Variants in CTBP2 observed in about 807,000 individuals in gnomAD.
CTBP2 encodes C-terminal-binding protein 2.
A neutral mutation model predicts 80.3 loss-of-function variants in CTBP2; 30 were observed. That is an observed-to-expected ratio of 0.37 (90% CI 0.28 to 0.51). The LOEUF is 0.51. Among genes scored for constraint, CTBP2 ranks in the 20% least tolerant of loss-of-function variants. The pLI is 0.93. For missense variants in CTBP2, 1,212 were observed against 1,375.3 expected, an observed-to-expected ratio of 0.88 and a Z score of 1.88; for synonymous variants, 594 against 587.4, an observed-to-expected ratio of 1.01 and a Z score of -0.16.
chr10:125,095,026 G>A (rs549412666), intron 2 of CTBP2, among the ~76,000 whole-genome samples: 22 of 152,210 alleles, frequency 1.4e-4, no homozygotes, highest in Non-Finnish European at 2.2e-4. Flanking sequence ...GCTGTCCTGC[G>A]GATGCTGATT....
At chr10:125,109,612 C>T (rs1031983083) in intron 2 of CTBP2, among the ~76,000 whole-genome samples, 2 of 152,212 alleles carry the variant, frequency 1.3e-5, no homozygotes, top group Admixed American at 1.3e-4. Flanking sequence ...CTCCTCAATG[C>T]TAAGAGCCTT....
Position 124,987,402 on chromosome 10 carries a change from T to G in CTBP2, c.*2116A>C, listed in dbSNP as rs1435160178. 1.3e-5 allele frequency: 2 copies of G among 151,982 alleles called. No individual in the cohort carries two copies. Among genetic ancestry groups the G allele is most frequent in the African/African-American group, 4.8e-5 (2 of 41,368 alleles). The allele number at this position is 151,982 out of a possible 1,614,324, so 9.4% of individuals were successfully genotyped here. On this transcript the variant is annotated 3_prime_UTR_variant, in exon 9 of 9. Coordinates refer to ENST00000309035, the MANE Select transcript of CTBP2 (RefSeq NM_022802.3). ...TAAATTTTTGTTTGGGCGACCAAGATCTAATAATTAAAACCCAGGTGGACC... is the reference window on the plus strand; with the variant it reads ...TAAATTTTTGTTTGGGCGACCAAGAGCTAATAATTAAAACCCAGGTGGACC...
chr10:124,997,918 C>T, intron 4 of CTBP2, 46 bp downstream of exon 6: 1 of 1,573,784 alleles, frequency 6.4e-7, no homozygotes, highest in Non-Finnish European at 8.6e-7. Flanking sequence ...CTACACCAGC[C>T]CCAGTGTCGG....
At chr10:125,050,933 A>AG (rs1384130554) in intron 2 of CTBP2, among the ~76,000 whole-genome samples, 2 of 152,322 alleles carry the variant, frequency 1.3e-5, no homozygotes, top group East Asian at 1.9e-4. Context: ...TCCTCTGGAG[A>AG]GGGAGACATC....
chr10:125,133,330 C>A lies in CTBP2; in HGVS notation c.-205-22237G>T, dbSNP rs146977691. Among the ~76,000 whole-genome samples the A allele has an allele frequency of 4.7e-3, 717 of 152,258 alleles. 7 individuals carry two copies. Among genetic ancestry groups the A allele is most frequent in the African/African-American group, 0.016 (668 of 41,546 alleles). The stretch of plus-strand genomic sequence containing the variant: ...AGAGGACAGGTCAAGGCAGACCCAG[C>A]CTCCTCCTCAGACCTGCTCACCTGC... On this transcript the variant is annotated intron_variant, in intron 1 of 10. Coordinates refer to the CTBP2 transcript ENST00000337195.
At chr10:125,011,048 CCT>C (rs1203125291) in intron 1 of CTBP2, among the ~76,000 whole-genome samples, 1 of 152,174 alleles carries the variant, frequency 6.6e-6, no homozygotes, top group African/African-American at 2.4e-5. Context: ...TCAAGTTCCC[CCT>C]GCTTTTCTGT....
intron 1 of CTBP2, among the ~76,000 whole-genome samples, chr10:125,147,651 C>T (rs1334521837): frequency 6.6e-6 from 1 of 151,730 alleles, no homozygotes; most frequent in East Asian, 1.9e-4. Flanking sequence ...AATCCTAACA[C>T]TTTTGGGAGG....
chr10:125,056,539 C>T (rs1282492258), intron 2 of CTBP2, among the ~76,000 whole-genome samples: 1 of 152,222 alleles, frequency 6.6e-6, no homozygotes, highest in Non-Finnish European at 1.5e-5. Context: ...TGTAAGATAA[C>T]ATCACAACAC....
At chr10:125,018,390 T>G (rs914844354) in intron 1 of CTBP2, among the ~76,000 whole-genome samples, 1 of 152,104 alleles carries the variant, frequency 6.6e-6, no homozygotes, top group Non-Finnish European at 1.5e-5. Context: ...GGTATGGTAG[T>G]GGGCACCTGT....
At chr10:125,077,607 G>C (rs1320045618) in intron 2 of CTBP2, among the ~76,000 whole-genome samples, 1 of 152,174 alleles carries the variant, frequency 6.6e-6, no homozygotes, top group East Asian at 1.9e-4. Flanking sequence ...GCACATTCTG[G>C]AAAGTTCTGG....
chr10:125,097,466 G>A (rs189552357), intron 2 of CTBP2, among the ~76,000 whole-genome samples: 4 of 152,256 alleles, frequency 2.6e-5, no homozygotes, highest in East Asian at 1.9e-4. Context: ...GTTCTCTACC[G>A]TGGAGAAGTC....
In CTBP2 at chr10:124,984,676, A is replaced by G. The variant is rs1951993823; in HGVS notation, c.*4842T>C. The G allele has an allele frequency of 7.9e-7, 1 of 1,259,792 alleles. No homozygotes were observed. The highest frequency in any genetic ancestry group is 2.4e-5 in the Admixed American group (1 of 41,566). 78.0% of individuals were successfully genotyped at this position (1,259,792 alleles called of 1,614,324 possible). A position where few individuals can be genotyped will look rare whatever the true frequency, so the allele number is the denominator to read the frequency against. ...AAAAGTTGATTGCTTTGGCCTTTTC[A>G]TGAGTTAGCATACCAGCTGTAGGTT... is the stretch of plus-strand genomic sequence containing the variant. On this transcript the variant is annotated 3_prime_UTR_variant, in exon 9 of 9. Transcript: ENST00000309035.
intron 2 of CTBP2, among the ~76,000 whole-genome samples, chr10:125,096,597 G>A (rs1037108050): frequency 6.6e-6 from 1 of 152,046 alleles, no homozygotes; most frequent in Non-Finnish European, 1.5e-5. Flanking sequence ...AAAACTAAAA[G>A]GTATGAAACT....
chr10:124,998,227 C>A, intron 3 of CTBP2, 57 bp from the exon 6 acceptor site: 1 of 1,536,630 alleles, frequency 6.5e-7, no homozygotes, highest in East Asian at 2.4e-5. Flanking sequence ...AGTGGGGAAG[C>A]CCCAGGGCTC....
chr10:125,152,053 GGCCAGGGTGGGGCC>G (rs1330106485), intron 1 of CTBP2, among the ~76,000 whole-genome samples: 1 of 152,126 alleles, frequency 6.6e-6, no homozygotes, highest in Non-Finnish European at 1.5e-5. Context: ...CCCGCGGAGG[GGCCAGGGTGGGGCC>G]GCCAAGTGCC....
chr10:125,003,485 G>C lies in CTBP2; in HGVS notation c.1686C>G (p.Arg562=). 1.3e-6 allele frequency: 2 copies of C among 1,562,300 alleles called. No individual in the cohort carries two copies. Among genetic ancestry groups the C allele is most frequent in the Middle Eastern group, 1.7e-4 (1 of 5,782 alleles). The change falls in exon 2 of 9, where the codon CGC becomes CGG. Residue 562 remains arginine (R), a synonymous_variant. Coordinates refer to ENST00000309035, the MANE Select transcript of CTBP2 (RefSeq NM_022802.3). The stretch of plus-strand genomic sequence containing the variant: ...GCAGGGGGCCGTTCATGATCTGGGG[G>C]CGGATACCTGCCAGGAGGGAAGGGG...
chr10:125,136,260 A>G (rs1321095096), intron 1 of CTBP2, among the ~76,000 whole-genome samples: 1 of 152,206 alleles, frequency 6.6e-6, no homozygotes, highest in Non-Finnish European at 1.5e-5. Flanking sequence ...TCACCCTCAC[A>G]GCTCACAGCC....
At chr10:124,990,060 G>A (rs1331105217) in intron 8 of CTBP2, among the ~76,000 whole-genome samples, 1 of 94,130 alleles carries the variant, frequency 1.1e-5, no homozygotes, top group African/African-American at 4.0e-5. Flanking sequence ...TTTTTTTTTT[G>A]AGATGGAGTC....
chr10:125,151,602 G>A (rs973459642), intron 1 of CTBP2, among the ~76,000 whole-genome samples: 1 of 152,178 alleles, frequency 6.6e-6, no homozygotes, highest in Non-Finnish European at 1.5e-5. Context: ...GTCAATCAAC[G>A]AACCTCACCA....
Sources: gnomAD v4.1 joint callset for allele counts (sites outside exome capture counted in the v4.1 genomes callset) on GRCh38, gnomAD v4.1.1 for gene constraint, MANE v1.5 for transcripts, NCBI Gene and HGNC (gene_info 2026-07-23, HGNC 2026-07-21) for gene names.